The following IL1RAPL1 variants were observed in gnomAD, a reference collection of about 807,000 sequenced individuals.
IL1RAPL1 encodes interleukin-1 receptor accessory protein-like 1.
Under a neutral mutation model 48.4 loss-of-function variants are expected in IL1RAPL1, and 3 were observed. The ratio of observed to expected loss-of-function variants is 0.06; its 90% CI spans 0.03 to 0.16. IL1RAPL1 has a LOEUF of 0.16. Among genes scored for constraint, IL1RAPL1 ranks in the 10% least tolerant of loss-of-function variants. The pLI is 1.00. For missense variants in IL1RAPL1, 349 were observed against 530.6 expected, an observed-to-expected ratio of 0.66 and a Z score of 3.36; for synonymous variants, 185 against 187.7, an observed-to-expected ratio of 0.99 and a Z score of 0.12.
chrX:28,678,360 A>G (rs890240656), intron 1 of IL1RAPL1, among the ~76,000 whole-genome samples: 8 of 111,198 alleles, frequency 7.2e-5, no homozygotes, highest in African/African-American at 2.3e-4. Flanking sequence ...TCTCTGCCTG[A>G]TTTGTTTAAA....
chrX:29,554,675 C>T (rs1921933075), intron 5 of IL1RAPL1, among the ~76,000 whole-genome samples: 1 of 111,382 alleles, frequency 9.0e-6, no homozygotes, highest in Non-Finnish European at 1.9e-5. Flanking sequence ...CTATGTAAGT[C>T]TCCTAAAGCC....
At position 29,708,497 on chromosome X, in the gene IL1RAPL1, C is replaced by G. The variant is rs1228639633; in HGVS notation, c.778+39993C>G. 8.9e-5 allele frequency among the ~76,000 whole-genome samples: 10 copies of G among 111,978 alleles called. No homozygotes were observed. The Admixed American group carries it at 9.5e-4, about 11-fold the overall frequency. On this transcript the variant is annotated intron_variant, in intron 6 of 10. Coordinates refer to ENST00000378993, the MANE Select transcript of IL1RAPL1 (RefSeq NM_014271.4). ...ATAGTATTTGTCTTTCTGTGAATGG[C>G]TTACTTCACTTAGCATAATGTCTTC... is the stretch of plus-strand genomic sequence containing the variant.
intron 2 of IL1RAPL1, among the ~76,000 whole-genome samples, chrX:29,101,185 C>T (rs938151437): frequency 5.4e-5 from 6 of 111,534 alleles, no homozygotes; most frequent in Non-Finnish European, 9.4e-5. Context: ...CAACCGATAC[C>T]GCAGAAATTC....
At chrX:29,207,329 T>A (rs967542355) in intron 2 of IL1RAPL1, among the ~76,000 whole-genome samples, 1 of 112,093 alleles carries the variant, frequency 8.9e-6, no homozygotes, top group African/African-American at 3.2e-5. Context: ...TTTTGCCATA[T>A]CCTGGGTCAT....
chrX:29,924,117 C>G (rs1190416859), intron 8 of IL1RAPL1, among the ~76,000 whole-genome samples: 1 of 111,934 alleles, frequency 8.9e-6, no homozygotes, highest in Non-Finnish European at 1.9e-5. Flanking sequence ...CATAGAGCAG[C>G]TGTGAGGATT....
chrX:28,855,636 T>C (rs930146778), intron 2 of IL1RAPL1, among the ~76,000 whole-genome samples: 2 of 111,447 alleles, frequency 1.8e-5, no homozygotes, highest in African/African-American at 6.5e-5. Flanking sequence ...TATGCACTTA[T>C]TGATCTGTTG....
chrX:29,507,235 TTTTC>T (rs889389402), intron 5 of IL1RAPL1, among the ~76,000 whole-genome samples: 22 of 103,040 alleles, frequency 2.1e-4, no homozygotes, highest in Middle Eastern at 5.0e-3. Context: ...ATATTTTATT[TTTTC>T]TTTCTTTCTT....
chrX:29,715,587 T>C (rs992098361), intron 6 of IL1RAPL1, among the ~76,000 whole-genome samples: 1 of 111,582 alleles, frequency 9.0e-6, no homozygotes, highest in African/African-American at 3.3e-5. Context: ...GAAAGCTGCC[T>C]AGTGGGATCA....
chrX:28,721,406 C>G (rs1935576872), intron 1 of IL1RAPL1, among the ~76,000 whole-genome samples: 2 of 112,046 alleles, frequency 1.8e-5, no homozygotes, highest in South Asian at 7.5e-4. Context: ...TGAGAAGTGT[C>G]TGTTCATATC....
chrX:28,598,778 G>A (rs969738437), intron 1 of IL1RAPL1, among the ~76,000 whole-genome samples: 7 of 108,640 alleles, frequency 6.4e-5, no homozygotes, highest in Non-Finnish European at 1.2e-4. Context: ...ACAGGTGTGC[G>A]CCACCACACC....
chrX:28,832,329 G>T (rs1435278653), intron 2 of IL1RAPL1, among the ~76,000 whole-genome samples: 1 of 110,514 alleles, frequency 9.0e-6, no homozygotes, highest in East Asian at 2.8e-4. Context: ...TTATTTACTC[G>T]AAGTACTCTT....
intron 6 of IL1RAPL1, among the ~76,000 whole-genome samples, chrX:29,732,167 A>G (rs1260649708): frequency 3.6e-5 from 4 of 112,050 alleles, no homozygotes; most frequent in African/African-American, 1.3e-4. Context: ...AGGCTTAAAT[A>G]ACAAATCCCA....
chrX:28,960,073 G>A (rs896970653), intron 2 of IL1RAPL1, among the ~76,000 whole-genome samples: 1 of 111,858 alleles, frequency 8.9e-6, no homozygotes, highest in Non-Finnish European at 1.9e-5. Flanking sequence ...AATTTGCAAA[G>A]GTCAGAAGAT....
At chrX:29,684,281 T>C (rs1926552614) in intron 6 of IL1RAPL1, among the ~76,000 whole-genome samples, 1 of 111,751 alleles carries the variant, frequency 8.9e-6, no homozygotes, top group East Asian at 2.8e-4. Context: ...GTTCTCTGCT[T>C]CATGGATGAT....
chrX:28,992,424 A>C (rs1339067938), intron 2 of IL1RAPL1, among the ~76,000 whole-genome samples: 3 of 98,872 alleles, frequency 3.0e-5, no homozygotes, highest in Non-Finnish European at 6.0e-5. Flanking sequence ...TGGGAGACGG[A>C]GGTTGCAGTG....
At chrX:28,687,530 C>A (rs1254439407) in intron 1 of IL1RAPL1, among the ~76,000 whole-genome samples, 1 of 109,405 alleles carries the variant, frequency 9.1e-6, no homozygotes, top group Non-Finnish European at 1.9e-5. Flanking sequence ...AGCCTGTGAT[C>A]CCAGCACTTT....
chrX:29,437,279 C>A (rs1217542011), intron 5 of IL1RAPL1, among the ~76,000 whole-genome samples: 2 of 110,469 alleles, frequency 1.8e-5, no homozygotes, highest in Non-Finnish European at 3.8e-5. Context: ...GAGGTACATA[C>A]AAATAGTGGA....
intron 2 of IL1RAPL1, among the ~76,000 whole-genome samples, chrX:29,251,793 T>C (rs1315381843): frequency 9.0e-6 from 1 of 111,068 alleles, no homozygotes; most frequent in African/African-American, 3.3e-5. Flanking sequence ...ATGGAAAAAG[T>C]CCAGTAGGAC....
chrX:28,689,919 C>T lies in IL1RAPL1; in HGVS notation c.-24-99401C>T, dbSNP rs184544102. 4.5e-5 allele frequency among the ~76,000 whole-genome samples: 5 copies of T among 111,835 alleles called. No homozygotes were observed. In the East Asian group the frequency reaches 1.4e-3, roughly 32 times the overall value. Reference sequence around the variant, plus strand: ...CTGTCAAAAAATGCCATGTTACTTCCTTCCACAAGTCATTATCAGAACTAG... The same window carrying T: ...CTGTCAAAAAATGCCATGTTACTTCTTTCCACAAGTCATTATCAGAACTAG... On this transcript the variant is annotated intron_variant, in intron 1 of 10. Transcript: ENST00000378993.
Sources: gnomAD v4.1 joint callset for allele counts (sites outside exome capture counted in the v4.1 genomes callset) on GRCh38, gnomAD v4.1.1 for gene constraint, MANE v1.5 for transcripts, NCBI Gene and HGNC (gene_info 2026-07-23, HGNC 2026-07-21) for gene names.